EPX: variants seen among roughly 807,000 people sequenced by gnomAD.
EPX encodes the protein eosinophil peroxidase.
EPX carries 60 observed loss-of-function variants against 73.0 expected under a neutral mutation model. The observed-to-expected ratio is 0.82, with a 90% CI of 0.67 to 1.02. EPX has a LOEUF of 1.02. Among genes scored for constraint, EPX ranks in the 50% least tolerant of loss-of-function variants. EPX has a pLI of 0.00. For synonymous variants in EPX, 347 were observed against 389.2 expected (o/e 0.89, Z 1.28); for missense variants, 950 against 973.9 (o/e 0.98, Z 0.33).
rs34137093 is a variant in EPX, at chr17:58,202,806, G to A, written c.1709-275G>A. 5.0e-3 allele frequency: 2,404 copies of A among 477,444 alleles called. 56 individuals carry two copies. The highest frequency in any genetic ancestry group is 0.042 in the African/African-American group (2,155 of 51,308). The allele number at this position is 477,444 out of a possible 1,614,324, so 29.6% of individuals were successfully genotyped here. A position where few individuals can be genotyped will look rare whatever the true frequency, so the allele number is the denominator to read the frequency against. ...GAGCCCAGTAATATCACTAAGTGTCGGATTTGTGGTTATGAGTTTTGGGTT... is the reference window on the plus strand; with the variant it reads ...GAGCCCAGTAATATCACTAAGTGTCAGATTTGTGGTTATGAGTTTTGGGTT... On this transcript the variant is annotated intron_variant, in intron 10 of 12. Transcript: ENST00000225371.
At chr17:58,199,339 C>T (rs1010716639) in intron 8 of EPX, 139 bp downstream of exon 8, 14 of 1,130,138 alleles carry the variant, frequency 1.2e-5, no homozygotes, top group African/African-American at 4.6e-5. Context: ...CCTCTGGCCC[C>T]GATTCTGCCT....
At chr17:58,201,006 T>C (rs919189566) in intron 10 of EPX, among the ~76,000 whole-genome samples, 1 of 152,244 alleles carries the variant, frequency 6.6e-6, no homozygotes, top group African/African-American at 2.4e-5. Flanking sequence ...TGAGAAACTA[T>C]GTTCAGAGAC....
rs1246633703 is a variant in EPX, at chr17:58,200,262, C to T, written c.1575C>T (p.Thr525=). The T allele has an allele frequency of 4.3e-6, 7 of 1,614,060 alleles. No homozygotes were observed. The African/African-American group carries it at 8.0e-5, about 18-fold the overall frequency. The change falls in exon 10 of 13, where the codon ACC becomes ACT. Residue 525 remains threonine, a synonymous_variant. Coordinates refer to ENST00000225371, the MANE Select transcript of EPX (RefSeq NM_000502.6). ...CCATCCTCCGGGGCCTCATGGCCAC[C>T]CCTGCCAAGCTGAACCGTCAGGATG... ...IDPILRGLMA[T]PAKLNRQDAM... is the part of the protein sequence containing the mutation.
intron 11 of EPX, 84 bp downstream of exon 11, chr17:58,203,402 A>T: frequency 1.1e-6 from 1 of 925,990 alleles, no homozygotes; most frequent in South Asian, 1.3e-5. Context: ...ATTGAAGAAC[A>T]CTGCTCTTTT....
chr17:58,199,723 G>A lies in EPX; in HGVS notation c.1466G>A (p.Arg489Gln), dbSNP rs370170164. The A allele has an allele frequency of 3.2e-5, 51 of 1,614,088 alleles. No individual in the cohort carries two copies. Among genetic ancestry groups the A allele is most frequent in the South Asian group, 7.7e-5 (7 of 91,090 alleles). Reference sequence around the variant, plus strand: ...ATGTTCCGCTTGGACAGTCAGTACCGGGCCTCCGCACCCAACTCGCATGTC... The same window carrying A: ...ATGTTCCGCTTGGACAGTCAGTACCAGGCCTCCGCACCCAACTCGCATGTC... ...PFMFRLDSQY[R>Q]ASAPNSHVPL... The change falls in exon 9 of 13, where the codon CGG becomes CAG. Residue 489 changes from arginine (R) to glutamine (Q), a missense_variant. Physicochemically the swap from Arg to Gln is conservative, Grantham distance 43. Coordinates refer to ENST00000225371, the MANE Select transcript of EPX (RefSeq NM_000502.6).
Position 58,199,712 on chromosome 17 carries a change from C to G in EPX, c.1455C>G (p.Asp485Glu). 6.2e-7 allele frequency: 1 copy of G among 1,614,228 alleles called. No homozygotes were observed. The highest frequency in any genetic ancestry group is 8.5e-7 in the Non-Finnish European group (1 of 1,180,032). Reference sequence around the variant, plus strand: ...TCCAGCCCTTCATGTTCCGCTTGGACAGTCAGTACCGGGCCTCCGCACCCA... The same window carrying G: ...TCCAGCCCTTCATGTTCCGCTTGGAGAGTCAGTACCGGGCCTCCGCACCCA... ...TMLQPFMFRL[D>E]SQYRASAPNS... Residue 485 changes from aspartate (D) to glutamate (E), a missense_variant, in exon 9 of 13, where the codon GAC becomes GAG. Coordinates refer to ENST00000225371, the MANE Select transcript of EPX (RefSeq NM_000502.6).
rs770278883 is a variant in EPX at position 58,205,044 on chromosome 17, G to A, written c.*320G>A. ...TTACAGCACTTTCTACTGTTTCCCA[G>A]CCCTCCCTCCCCTCCCTCACCATGA... is the stretch of plus-strand genomic sequence containing the variant. On this transcript the variant is annotated 3_prime_UTR_variant, in exon 13 of 13. Coordinates refer to ENST00000225371, the MANE Select transcript of EPX (RefSeq NM_000502.6). 6.2e-6 allele frequency: 1 copy of A among 162,534 alleles called. No homozygotes were observed. Among genetic ancestry groups the A allele is most frequent in the Non-Finnish European group, 1.4e-5 (1 of 73,906 alleles). The allele number at this position is 162,534 out of a possible 1,614,324, so 10.1% of individuals were successfully genotyped here. A position where few individuals can be genotyped will look rare whatever the true frequency, so the allele number is the denominator to read the frequency against.
At chr17:58,193,276 T>A in intron 2 of EPX, 95 bp from the exon 3 acceptor site, 1 of 1,354,998 alleles carries the variant, frequency 7.4e-7, no homozygotes, top group Non-Finnish European at 1.1e-6. Flanking sequence ...CATCCTTCTG[T>A]CCGCTTGCCC....
In EPX at chr17:58,201,939, A is replaced by T. The variant is rs201456918; in HGVS notation, c.1709-1142A>T. ...CGCAATACCTGTGCCCTCCAGAAATATTATCCTGACACTAGCTCTTGCAAT... is the reference window on the plus strand; with the variant it reads ...CGCAATACCTGTGCCCTCCAGAAATTTTATCCTGACACTAGCTCTTGCAAT... On this transcript the variant is annotated intron_variant, in intron 10 of 12. Coordinates refer to ENST00000225371, the MANE Select transcript of EPX (RefSeq NM_000502.6). Among the ~76,000 whole-genome samples, 22 of 152,300 alleles carry T rather than the reference A, an allele frequency of 1.4e-4. No individual in the cohort carries two copies. In the East Asian group the frequency reaches 3.7e-3, roughly 25 times the overall value.
chr17:58,201,929 C>G (rs1968347924), intron 10 of EPX, among the ~76,000 whole-genome samples: 1 of 152,194 alleles, frequency 6.6e-6, no homozygotes, highest in Admixed American at 6.5e-5. Flanking sequence ...TACCTGTGCC[C>G]TCCAGAAATA....
rs1567789642 is a variant in EPX, at chr17:58,199,171, G to A, written c.1252G>A (p.Ala418Thr). Residue 418 changes from alanine (A) to threonine (T), a missense_variant, in exon 8 of 13, where the codon GCT becomes ACT. Transcript: ENST00000225371. ...RWNGDKLYNE[A>T]RKIMGAMVQI... ...GAATGGAGACAAACTGTACAATGAG[G>A]CTCGGAAGATCATGGGGGCCATGGT... The A allele has an allele frequency of 5.0e-6, 8 of 1,614,096 alleles. No individual in the cohort carries two copies. The highest frequency in any genetic ancestry group is 4.5e-5 in the East Asian group (2 of 44,878).
intron 4 of EPX, 30 bp downstream of exon 4, chr17:58,193,861 C>A (rs1968216916): frequency 6.2e-7 from 1 of 1,601,964 alleles, no homozygotes; most frequent in African/African-American, 1.3e-5. Context: ...AGGGGCTGCC[C>A]CTGCCTGGGG....
chr17:58,200,733 G>A (rs901917701), intron 10 of EPX, among the ~76,000 whole-genome samples: 1 of 152,182 alleles, frequency 6.6e-6, no homozygotes, highest in African/African-American at 2.4e-5. Flanking sequence ...TTCCCAACAC[G>A]CTGGCAAGTT....
At chr17:58,196,747 T>C (rs1334027785) in intron 6 of EPX, among the ~76,000 whole-genome samples, 192 bp from the exon 7 acceptor site, 1 of 152,146 alleles carries the variant, frequency 6.6e-6, no homozygotes, top group Non-Finnish European at 1.5e-5. Flanking sequence ...TCCTAACCTT[T>C]TGAGACTCTA....
At position 58,200,314 on chromosome 17, in the gene EPX, C is replaced by G. The variant is rs770057973; in HGVS notation, c.1627C>G (p.Arg543Gly). The change falls in exon 10 of 13, where the codon CGG becomes GGG. Residue 543 changes from arginine to glycine, a missense_variant. Physicochemically the swap from Arg to Gly is moderately radical, Grantham distance 125. Transcript: ENST00000225371. ...DAMLVDELRD[R>G]LFRQVRRIGL... Reference sequence around the variant, plus strand: ...CATGTTAGTGGATGAGCTCCGGGACCGGCTGTTTCGGCAAGTGAGGAGGAT... The same window carrying G: ...CATGTTAGTGGATGAGCTCCGGGACGGGCTGTTTCGGCAAGTGAGGAGGAT... The G allele has an allele frequency of 6.2e-7, 1 of 1,614,200 alleles. No individual in the cohort carries two copies. The highest frequency in any genetic ancestry group is 8.5e-7 in the Non-Finnish European group (1 of 1,180,026).
Position 58,193,784 on chromosome 17 carries a change from G to A in EPX, c.417G>A (p.Glu139=), listed in dbSNP as rs749403934. Residue 139 remains glutamate (E), a synonymous_variant, in exon 4 of 13, where the codon GAG becomes GAA. Coordinates refer to ENST00000225371, the MANE Select transcript of EPX (RefSeq NM_000502.6). Reference sequence around the variant, plus strand: ...GCTGTGCTCTCCGGGACCAGGCCGAGCGCTGCAGCGACAAGTACCGCACCA... The same window carrying A: ...GCTGTGCTCTCCGGGACCAGGCCGAACGCTGCAGCGACAAGTACCGCACCA... ...ASGCALRDQA[E]RCSDKYRTIT... is the part of the protein sequence containing the mutation. The A allele has an allele frequency of 1.4e-5, 22 of 1,613,158 alleles. No homozygotes were observed.
intron 10 of EPX, among the ~76,000 whole-genome samples, chr17:58,201,469 C>A (rs1035858761): frequency 6.6e-6 from 1 of 152,206 alleles, no homozygotes; most frequent in African/African-American, 2.4e-5. Flanking sequence ...TTATTTCCAG[C>A]ATAAAACCTA....
intron 10 of EPX, among the ~76,000 whole-genome samples, chr17:58,200,905 A>G (rs9892223): frequency 0.53 from 80,015 of 152,078 alleles, 23,375 homozygotes; most frequent in African/African-American, 0.79. Context: ...AGAAGAAAAT[A>G]TAGGCACTTT....
chr17:58,202,893 A>C, intron 10 of EPX, 188 bp from the exon 11 acceptor site: 2 of 643,878 alleles, frequency 3.1e-6, no homozygotes, highest in Non-Finnish European at 5.6e-6. Context: ...ACAGTTGTCC[A>C]CTCACATTTT....
Sources: gnomAD v4.1 joint callset for allele counts (sites outside exome capture counted in the v4.1 genomes callset) on GRCh38, gnomAD v4.1.1 for gene constraint, MANE v1.5 for transcripts, NCBI Gene and HGNC (gene_info 2026-07-23, HGNC 2026-07-21) for gene names.